KTN1: variants seen among roughly 807,000 people sequenced by gnomAD.
KTN1 encodes kinectin 1.
In KTN1, 130 loss-of-function variants were observed where a neutral mutation model predicts 222.5. That is an observed-to-expected ratio of 0.58 (90% CI 0.51 to 0.68). The LOEUF (loss-of-function observed/expected upper bound fraction) is 0.68, where lower values mean the gene tolerates loss of function less well. Among genes scored for constraint, KTN1 ranks in the 30% least tolerant of loss-of-function variants. The probability of loss-of-function intolerance (pLI) is 0.00; values close to 1 mark genes in which losing one functional copy is unlikely to be tolerated. For missense variants in KTN1, 1,508 were observed against 1,500.4 expected, an observed-to-expected ratio of 1.01 and a Z score of -0.08; for synonymous variants, 512 against 496.3, an observed-to-expected ratio of 1.03 and a Z score of -0.42.
intron 1 of KTN1, among the ~76,000 whole-genome samples, chr14:55,603,399 C>T (rs2036261667): frequency 6.6e-6 from 1 of 152,230 alleles, no homozygotes; most frequent in African/African-American, 2.4e-5. Context: ...CCAGTAACGT[C>T]TGTGTTGCTA....
rs201228971 is a variant in KTN1, at chr14:55,675,914, A to G, written c.3851A>G (p.His1284Arg). 23 of 1,610,462 alleles carry G rather than the reference A, an allele frequency of 1.4e-5. No homozygotes were observed. The highest frequency in any genetic ancestry group is 2.2e-5 in the East Asian group (1 of 44,794). ...NERQKVAGDL[H>R]KAQQSLELIQ... is the part of the protein sequence containing the mutation. ...AGACAGAAGGTAGCTGGTGATTTGC[A>G]TAAGGTAGGCACTGTTCGTCCTAGA... The change falls in exon 41 of 44, where the codon CAT becomes CGT. Residue 1284 changes from histidine to arginine, a missense_variant. By Grantham distance (29) the His-to-Arg change is conservative (BLOSUM62 0). Transcript: ENST00000395314.
chr14:55,654,713 G>A (rs1335892591), intron 28 of KTN1, among the ~76,000 whole-genome samples: 1 of 152,090 alleles, frequency 6.6e-6, no homozygotes, highest in Non-Finnish European at 1.5e-5. Flanking sequence ...TGTTATCGTT[G>A]TTATTAACTG....
At position 55,628,150 on chromosome 14, in the gene KTN1, C is replaced by T. The variant is rs904938758; in HGVS notation, c.1080+122C>T. 10 of 636,620 alleles carry T rather than the reference C, an allele frequency of 1.6e-5. No homozygotes were observed. The African/African-American group carries it at 1.8e-4, about 12-fold the overall frequency. 39.4% of individuals were successfully genotyped at this position (636,620 alleles called of 1,614,324 possible). A position where few individuals can be genotyped will look rare whatever the true frequency, so the allele number is the denominator to read the frequency against. On this transcript the variant is annotated intron_variant, in intron 6 of 43. Coordinates refer to ENST00000395314, the MANE Select transcript of KTN1 (RefSeq NM_001079521.2). ...ATTTATGTCCAACAAAAGTAACTTT[C>T]CTTTAGAGTTTTGGGAGGGTAGATA... is the stretch of plus-strand genomic sequence containing the variant.
Position 55,650,392 on chromosome 14 carries a change from G to C in KTN1, c.2470G>C (p.Val824Leu), listed in dbSNP as rs544999641. ...GCTTCTGGAGGCAGAACTTCTCAAA[G>C]TTGCTAACAAGGAGAAAACTGTTCA... ...EELLEAELLK[V>L]ANKEKTVQDL... The change falls in exon 23 of 44, where the codon GTT becomes CTT. Residue 824 changes from valine (V) to leucine (L), a missense_variant. Transcript: ENST00000395314. 28 of 1,610,992 alleles carry C rather than the reference G, an allele frequency of 1.7e-5. No individual in the cohort carries two copies. Among genetic ancestry groups the C allele is most frequent in the Non-Finnish European group, 2.4e-5 (28 of 1,178,836 alleles).
chr14:55,682,996 G>A (rs1172425625), intron 43 of KTN1: 2 of 152,090 alleles, frequency 1.3e-5, no homozygotes, highest in Non-Finnish European at 2.9e-5. Context: ...AGCTCTGTGT[G>A]TACTCTCTGT....
At chr14:55,667,563 A>C (rs2044943733) in intron 34 of KTN1, 1 of 278,098 alleles carries the variant, frequency 3.6e-6, no homozygotes, top group African/African-American at 2.2e-5. Context: ...GAGGATTAAA[A>C]ACATCATATT....
In KTN1 at chr14:55,629,644, G is replaced by T. The variant is rs147469418; in HGVS notation, c.1081-313G>T. Reference sequence around the variant, plus strand: ...CTGTTGTGCTTTAAAATGTTCTTTCGTGTAATCAAGTTAGAATGTAGGATT... The same window carrying T: ...CTGTTGTGCTTTAAAATGTTCTTTCTTGTAATCAAGTTAGAATGTAGGATT... On this transcript the variant is annotated intron_variant, in intron 6 of 43. Transcript: ENST00000395314. Among the ~76,000 whole-genome samples, 12 of 152,132 alleles carry T rather than the reference G, an allele frequency of 7.9e-5. No homozygotes were observed. The East Asian group carries it at 1.9e-3, about 24-fold the overall frequency.
chr14:55,605,529 TG>T, intron 1 of KTN1, among the ~76,000 whole-genome samples: 1 of 152,162 alleles, frequency 6.6e-6, no homozygotes. Context: ...CACCACCAGC[TG>T]GGGGCCACTT....
intron 6 of KTN1, among the ~76,000 whole-genome samples, chr14:55,628,649 A>G (rs983414686): frequency 7.2e-5 from 11 of 152,228 alleles, no homozygotes; most frequent in Non-Finnish European, 8.8e-5. Context: ...TCATTCACCT[A>G]GCCACTTGAT....
intron 2 of KTN1, among the ~76,000 whole-genome samples, chr14:55,614,818 C>T (rs2038114492): frequency 6.6e-6 from 1 of 152,104 alleles, no homozygotes; most frequent in African/African-American, 2.4e-5. Context: ...CCAACTTGTG[C>T]TTGGCAGATG....
intron 9 of KTN1, among the ~76,000 whole-genome samples, chr14:55,635,758 C>T (rs893511247): frequency 6.6e-6 from 1 of 152,046 alleles, no homozygotes; most frequent in Non-Finnish European, 1.5e-5. Context: ...TAAATGCTAC[C>T]TCATTATAAT....
chr14:55,640,385 T>C lies in KTN1; in HGVS notation c.1926T>C (p.Asn642=), dbSNP rs369890962. 1.5e-5 allele frequency: 24 copies of C among 1,597,290 alleles called. No homozygotes were observed. The highest frequency in any genetic ancestry group is 2.0e-5 in the Non-Finnish European group (23 of 1,167,064). ...TTTCCTTGTTCTAGGATATACAGAA[T>C]ATGAATTTCTTATTAAAAGCTGAAG... ...SKEEELKDIQ[N]MNFLLKAEVQ... is the part of the protein sequence containing the mutation. Residue 642 remains asparagine (N), a synonymous_variant, in exon 15 of 44, where the codon AAT becomes AAC. Coordinates refer to ENST00000395314, the MANE Select transcript of KTN1 (RefSeq NM_001079521.2).
At chr14:55,617,572 T>C (rs1237699562) in intron 3 of KTN1, among the ~76,000 whole-genome samples, 1 of 152,160 alleles carries the variant, frequency 6.6e-6, no homozygotes. Flanking sequence ...GTTTAAAAAT[T>C]ATCAACTACA....
chr14:55,665,222 A>C (rs1266877955), intron 33 of KTN1, among the ~76,000 whole-genome samples: 2 of 151,974 alleles, frequency 1.3e-5, no homozygotes, highest in African/African-American at 2.4e-5. Context: ...TCTGTCAGCG[A>C]TGAGGGTTTT....
intron 1 of KTN1, among the ~76,000 whole-genome samples, chr14:55,593,606 C>T (rs889516656): frequency 2.6e-5 from 4 of 151,714 alleles, no homozygotes; most frequent in Non-Finnish European, 5.9e-5. Context: ...AGGTATAGTA[C>T]GTGAAAGGAG....
rs2040750909 is a variant in KTN1 at position 55,633,407 on chromosome 14, T to C, written c.1328+66T>C. 5.4e-6 allele frequency: 5 copies of C among 922,904 alleles called. No homozygotes were observed. In the South Asian group the frequency reaches 6.4e-5, roughly 12 times the overall value. 57.2% of individuals were successfully genotyped at this position (922,904 alleles called of 1,614,324 possible). Reference sequence around the variant, plus strand: ...GTATTTTCTTGAATCATCAAAATATTAATAGCGTTTGATAGTAATTGGTTA... The same window carrying C: ...GTATTTTCTTGAATCATCAAAATATCAATAGCGTTTGATAGTAATTGGTTA... On this transcript the variant is annotated intron_variant, in intron 8 of 43. Transcript: ENST00000395314.
chr14:55,591,463 A>G (rs1232458877), intron 1 of KTN1, among the ~76,000 whole-genome samples: 1 of 152,142 alleles, frequency 6.6e-6, no homozygotes, highest in Non-Finnish European at 1.5e-5. Flanking sequence ...TCCTGTCACC[A>G]GTGTATATGT....
intron 21 of KTN1, among the ~76,000 whole-genome samples, chr14:55,649,205 G>T (rs1215842857): frequency 6.6e-6 from 1 of 152,172 alleles, no homozygotes; most frequent in Non-Finnish European, 1.5e-5. Flanking sequence ...GGAATTATAG[G>T]CATGAGGCAC....
intron 1 of KTN1, among the ~76,000 whole-genome samples, chr14:55,593,687 C>A (rs150112685): frequency 6.4e-4 from 97 of 152,042 alleles, no homozygotes; most frequent in African/African-American, 2.2e-3. Flanking sequence ...CGAACACTAG[C>A]TTTGCATTAA....
Sources: gnomAD v4.1 joint callset for allele counts (sites outside exome capture counted in the v4.1 genomes callset) on GRCh38, gnomAD v4.1.1 for gene constraint, MANE v1.5 for transcripts, NCBI Gene and HGNC (gene_info 2026-07-23, HGNC 2026-07-21) for gene names.